The following PLCG2 variants were observed in gnomAD, a reference collection of about 807,000 sequenced individuals.
PLCG2 encodes phospholipase C gamma 2.
A neutral mutation model predicts 175.6 loss-of-function variants in PLCG2; 69 were observed. That is an observed-to-expected ratio of 0.39 (90% confidence interval 0.32 to 0.48). The LOEUF is 0.48. PLCG2 is among the 20% of genes least tolerant of loss of function. PLCG2 has a pLI of 0.91. For missense variants in PLCG2, 1,798 were observed against 1,650.9 expected, an observed-to-expected ratio of 1.09 and a Z score of -1.54; for synonymous variants, 827 against 624.0, an observed-to-expected ratio of 1.33 and a Z score of -4.85.
At chr16:81,941,066 G>C (rs4889443) in intron 30 of PLCG2, among the ~76,000 whole-genome samples, 21,795 of 152,226 alleles carry the variant, frequency 0.14, 1,588 homozygotes, top group Non-Finnish European at 0.16. Context: ...AAAAAATACA[G>C]TCTTTTGATA....
In PLCG2 at chr16:81,912,548, C is replaced by G. The variant is rs1909673002; in HGVS notation, c.1935-49C>G. ...TTGTCCTCTGCGGGTGGCCCACTGA[C>G]AGCCTGGAGACCGCTCACCTGGTCG... On this transcript the variant is annotated intron_variant, in intron 18 of 32. Coordinates refer to ENST00000564138, the MANE Select transcript of PLCG2 (RefSeq NM_002661.5). 5.6e-6 allele frequency: 9 copies of G among 1,603,680 alleles called. No individual in the cohort carries two copies. In the East Asian group the frequency reaches 6.7e-5, roughly 12 times the overall value.
At chr16:81,863,420 T>C (rs1054497705) in intron 5 of PLCG2, among the ~76,000 whole-genome samples, 1 of 152,286 alleles carries the variant, frequency 6.6e-6, no homozygotes, top group South Asian at 2.1e-4. Flanking sequence ...ATTGTACAGA[T>C]AGACCACATT....
At chr16:81,795,251 C>T (rs1911415292) in intron 2 of PLCG2, among the ~76,000 whole-genome samples, 1 of 152,118 alleles carries the variant, frequency 6.6e-6, no homozygotes, top group Non-Finnish European at 1.5e-5. Flanking sequence ...GAACAGGGTA[C>T]TGTAATAAGG....
intron 1 of PLCG2, among the ~76,000 whole-genome samples, chr16:81,752,633 C>T (rs1909835717): frequency 6.6e-6 from 1 of 152,218 alleles, no homozygotes; most frequent in Admixed American, 6.5e-5. Context: ...AGCTCCCCCT[C>T]CCCAGCCAGA....
chr16:81,836,221 A>T (rs1286961530), intron 2 of PLCG2, among the ~76,000 whole-genome samples: 1 of 152,116 alleles, frequency 6.6e-6, no homozygotes, highest in African/African-American at 2.4e-5. Context: ...CATTTCTCAG[A>T]GGGGGAAACT....
At chr16:81,874,818 A>T (rs1907687051) in intron 7 of PLCG2, among the ~76,000 whole-genome samples, 2 of 152,152 alleles carry the variant, frequency 1.3e-5, no homozygotes, top group South Asian at 4.1e-4. Context: ...AGGATAAGAA[A>T]TGTAATCTCA....
At chr16:81,927,320 T>A (rs1366126623) in intron 23 of PLCG2, 142 bp downstream of exon 23, 1 of 632,656 alleles carries the variant, frequency 1.6e-6, no homozygotes, top group East Asian at 2.7e-5. Context: ...GAAGACACAG[T>A]GATGATAGGG....
chr16:81,877,939 T>C (rs189035992), intron 7 of PLCG2, among the ~76,000 whole-genome samples: 246 of 151,552 alleles, frequency 1.6e-3, no homozygotes, highest in African/African-American at 5.3e-3. Context: ...CTCTGTGTGC[T>C]TCTCTGTCTC....
At chr16:81,782,078 G>T (rs1597315117) in intron 1 of PLCG2, among the ~76,000 whole-genome samples, 1 of 151,972 alleles carries the variant, frequency 6.6e-6, no homozygotes, top group Non-Finnish European at 1.5e-5. Flanking sequence ...GGGTTTCATC[G>T]TGTTAGCCAG....
Position 81,927,099 on chromosome 16 carries a change from G to C in PLCG2, c.2435G>C (p.Gly812Ala). 6.2e-7 allele frequency: 1 copy of C among 1,613,102 alleles called. No individual in the cohort carries two copies. Among genetic ancestry groups the C allele is most frequent in the Non-Finnish European group, 8.5e-7 (1 of 1,179,082 alleles). The change falls in exon 23 of 33, where the codon GGA (glycine) becomes GCA (alanine). Residue 812 changes from glycine (G) to alanine (A), a missense_variant. Gly to Ala is a moderately conservative substitution (Grantham distance 60). Transcript: ENST00000564138. Reference sequence around the variant, plus strand: ...TTATCCAGGTGGAAAGGAGACTATGGAACCAGGATCCAGCAGTACTTCCCA... The same window carrying C: ...TTATCCAGGTGGAAAGGAGACTATGCAACCAGGATCCAGCAGTACTTCCCA... ...EPGGWWKGDY[G>A]TRIQQYFPSN... is the part of the protein sequence containing the mutation.
chr16:81,776,686 C>G (rs1350778171), upstream of PLCG2, among the ~76,000 whole-genome samples: 1 of 152,188 alleles, frequency 6.6e-6, no homozygotes, highest in Non-Finnish European at 1.5e-5. Flanking sequence ...TCGTGAGTAG[C>G]TGACACTACA....
intron 5 of PLCG2, among the ~76,000 whole-genome samples, chr16:81,866,017 A>G (rs1164715497): frequency 1.6e-5 from 2 of 127,394 alleles, no homozygotes; most frequent in Admixed American, 1.6e-4. Context: ...CCTTTCTCCC[A>G]GGATGGGCTC....
chr16:81,950,745 T>C (rs569062358), intron 31 of PLCG2, among the ~76,000 whole-genome samples: 7 of 152,354 alleles, frequency 4.6e-5, no homozygotes, highest in Admixed American at 2.6e-4. Context: ...TTTCTAAATA[T>C]ACTAAAACAA....
chr16:81,949,314 C>G (rs1911275484), intron 31 of PLCG2, among the ~76,000 whole-genome samples: 1 of 152,152 alleles, frequency 6.6e-6, no homozygotes. Context: ...GAAAACACAT[C>G]CATACCCTCA....
chr16:81,913,857 C>T (rs557424154), intron 19 of PLCG2, among the ~76,000 whole-genome samples: 1 of 152,324 alleles, frequency 6.6e-6, no homozygotes, highest in African/African-American at 2.4e-5. Context: ...TTGCCTGCAC[C>T]ACTATGCCTG....
chr16:81,907,502 C>T lies in PLCG2; in HGVS notation c.1468-183C>T, dbSNP rs79732035. Reference sequence around the variant, plus strand: ...ATACCAAAAGAAGCTCAAAATGCATCGATATTTTAAAAAAGAAATGCCTTG... The same window carrying T: ...ATACCAAAAGAAGCTCAAAATGCATTGATATTTTAAAAAAGAAATGCCTTG... On this transcript the variant is annotated intron_variant, in intron 15 of 32. Transcript: ENST00000564138. Among the ~76,000 whole-genome samples, 519 of 152,226 alleles carry T rather than the reference C, an allele frequency of 3.4e-3. 1 individual carries two copies. Among genetic ancestry groups the T allele is most frequent in the Middle Eastern group, 0.017 (5 of 294 alleles).
In PLCG2 at chr16:81,883,308, T is replaced by C. The variant is rs1908184026; in HGVS notation, c.732T>C (p.His244=). ...CGGATGCCTCTGCTGTTTACCTGCA[T>C]GACTTCCAGAGGTTTCTCATACATG... ...DRPDASAVYL[H]DFQRFLIHEQ... Residue 244 remains histidine (H), a synonymous_variant, in exon 9 of 33, where the codon CAT becomes CAC. Transcript: ENST00000564138. 3.7e-6 allele frequency: 6 copies of C among 1,614,198 alleles called. No individual in the cohort carries two copies. Among genetic ancestry groups the C allele is most frequent in the Non-Finnish European group, 4.2e-6 (5 of 1,180,032 alleles).
chr16:81,862,727 C>T (rs1907042958), intron 5 of PLCG2, among the ~76,000 whole-genome samples: 3 of 152,082 alleles, frequency 2.0e-5, no homozygotes, highest in South Asian at 2.1e-4. Flanking sequence ...AAAAAGTTAG[C>T]TGGGTGTAGT....
At chr16:81,939,825 C>A in intron 29 of PLCG2, 67 bp from the exon 30 acceptor site, 2 of 1,036,262 alleles carry the variant, frequency 1.9e-6, no homozygotes, top group South Asian at 1.3e-5. Context: ...CTGAAGGATG[C>A]GGAGATTGTC....
Sources: allele counts gnomAD v4.1 joint callset (sites outside exome capture counted in the v4.1 genomes callset), GRCh38; gene constraint gnomAD v4.1.1; transcripts MANE v1.5; gene names NCBI Gene and HGNC (gene_info 2026-07-23, HGNC 2026-07-21).